Variants in PCDH15 observed in about 807,000 individuals in gnomAD.
PCDH15 encodes the protein protocadherin related 15.
In PCDH15, 129 loss-of-function variants were observed where a neutral mutation model predicts 178.5. That is an observed-to-expected ratio of 0.72 (90% CI 0.63 to 0.84). The LOEUF (loss-of-function observed/expected upper bound fraction) is 0.84, where lower values mean the gene tolerates loss of function less well. PCDH15 is among the 40% of genes least tolerant of loss of function. The pLI is 0.00. For missense variants in PCDH15, 2,230 were observed against 2,099.9 expected, an observed-to-expected ratio of 1.06 and a Z score of -1.21; for synonymous variants, 800 against 732.0, an observed-to-expected ratio of 1.09 and a Z score of -1.50.
At chr10:54,791,449 G>GAGAAGAA (rs1371056867) in intron 1 of PCDH15, among the ~76,000 whole-genome samples, 30 of 151,900 alleles carry the variant, frequency 2.0e-4, no homozygotes, top group Admixed American at 1.7e-3. Context: ...TAGAAACCTT[G>GAGAAGAA]ACCTCTTCTT....
chr10:54,388,515 C>T (rs141356881), intron 3 of PCDH15, among the ~76,000 whole-genome samples: 138 of 152,240 alleles, frequency 9.1e-4, no homozygotes, highest in African/African-American at 2.1e-3. Flanking sequence ...TTAAAGCATA[C>T]GCCACATACT....
chr10:54,380,652 T>TATATATATAC (rs1554941652), intron 3 of PCDH15, among the ~76,000 whole-genome samples: 2 of 88,076 alleles, frequency 2.3e-5, no homozygotes, highest in Non-Finnish European at 2.2e-5. Flanking sequence ...TGTATATATA[T>TATATATATAC]ATATATATAT....
intron 13 of PCDH15, among the ~76,000 whole-genome samples, chr10:54,174,654 G>C (rs2047241529): frequency 1.3e-5 from 2 of 151,458 alleles, no homozygotes; most frequent in South Asian, 2.1e-4. Flanking sequence ...CAATCAAATG[G>C]AAGGTGTTGC....
chr10:54,359,322 T>A (rs1238212156), intron 5 of PCDH15, among the ~76,000 whole-genome samples: 1 of 151,364 alleles, frequency 6.6e-6, no homozygotes, highest in East Asian at 1.9e-4. Flanking sequence ...GAATTAATAA[T>A]GTACCAATGT....
intron 2 of PCDH15, among the ~76,000 whole-genome samples, chr10:55,565,448 T>G (rs751049262): frequency 6.6e-6 from 1 of 151,540 alleles, no homozygotes; most frequent in Non-Finnish European, 1.5e-5. Flanking sequence ...TCAACCACTT[T>G]ACAACTTAAA....
rs540518231 is a variant in PCDH15 at position 54,139,208 on chromosome 10, T to C, written c.1785-6201A>G. Among the ~76,000 whole-genome samples, 150 of 152,196 alleles carry C rather than the reference T, an allele frequency of 9.9e-4. 1 individual carries two copies. Among genetic ancestry groups the C allele is most frequent in the African/African-American group, 3.4e-3 (141 of 41,562 alleles). ...CCTTCTTTGACAAATGAGACTAATG[T>C]AATGTTGTTAGTTGATTCTTGTGAG... On this transcript the variant is annotated intron_variant, in intron 14 of 37. Coordinates refer to ENST00000644397, the MANE Select transcript of PCDH15 (RefSeq NM_001384140.1).
At chr10:54,508,211 A>G (rs896764661) in intron 3 of PCDH15, among the ~76,000 whole-genome samples, 1 of 152,000 alleles carries the variant, frequency 6.6e-6, no homozygotes, top group Non-Finnish European at 1.5e-5. Context: ...TTTTTACTGT[A>G]TTTTACACAT....
At chr10:54,739,666 T>C (rs1276440228) in intron 1 of PCDH15, among the ~76,000 whole-genome samples, 1 of 150,864 alleles carries the variant, frequency 6.6e-6, no homozygotes, top group Non-Finnish European at 1.5e-5. Flanking sequence ...AAAAACAGCA[T>C]GATGCCGTCA....
intron 2 of PCDH15, among the ~76,000 whole-genome samples, chr10:54,537,588 C>T (rs191048356): frequency 6.6e-6 from 1 of 152,254 alleles, no homozygotes; most frequent in East Asian, 1.9e-4. Flanking sequence ...ATCAAGTAGG[C>T]TTCATTCCTA....
At chr10:54,407,382 A>C (rs1240359172) in intron 3 of PCDH15, among the ~76,000 whole-genome samples, 1 of 152,094 alleles carries the variant, frequency 6.6e-6, no homozygotes, top group Non-Finnish European at 1.5e-5. Flanking sequence ...ATATCCATAA[A>C]TATAATAATC....
At chr10:54,629,554 G>A (rs762768050) in intron 2 of PCDH15, among the ~76,000 whole-genome samples, 1 of 151,976 alleles carries the variant, frequency 6.6e-6, no homozygotes, top group Admixed American at 6.6e-5. Context: ...ATCTCTTTAT[G>A]ATAAAAACCT....
chr10:55,244,978 T>C (rs1199941946), intron 1 of PCDH15, among the ~76,000 whole-genome samples: 3 of 152,098 alleles, frequency 2.0e-5, no homozygotes, highest in Non-Finnish European at 4.4e-5. Flanking sequence ...ATTCTTTCTG[T>C]CTTCTATTCT....
chr10:53,933,389 G>C (rs2085265700), intron 25 of PCDH15, among the ~76,000 whole-genome samples: 1 of 140,236 alleles, frequency 7.1e-6, no homozygotes, highest in African/African-American at 2.6e-5. Context: ...TGTTCTCATT[G>C]TTCAATTCCC....
intron 2 of PCDH15, among the ~76,000 whole-genome samples, chr10:55,609,086 T>C (rs948835426): frequency 2.0e-5 from 3 of 151,922 alleles, no homozygotes; most frequent in Non-Finnish European, 4.4e-5. Context: ...CTTTTCTTTT[T>C]TTTTCTGGAC....
chr10:54,079,335 T>A lies in PCDH15; in HGVS notation c.2087A>T (p.Asp696Val), dbSNP rs1168427755. 6.2e-7 allele frequency: 1 copy of A among 1,613,930 alleles called. No homozygotes were observed. Among genetic ancestry groups the A allele is most frequent in the Non-Finnish European group, 8.5e-7 (1 of 1,179,912 alleles). ...CTTCACAGGGAGCATACTCACCCCA[T>A]CTGGCCTGCCATCTGAAGCTGTGAT... ...LIITASDGRP[D>V]GTSTATVNIV... The change falls in exon 17 of 38, where the codon GAT (aspartate) becomes GTT (valine). Residue 696 changes from aspartate (D) to valine (V), a missense_variant. By Grantham distance (152) the Asp-to-Val change is radical. Coordinates refer to ENST00000644397, the MANE Select transcript of PCDH15 (RefSeq NM_001384140.1).
chr10:55,245,711 G>A (rs1841663593), intron 1 of PCDH15, among the ~76,000 whole-genome samples: 1 of 152,148 alleles, frequency 6.6e-6, no homozygotes, highest in Non-Finnish European at 1.5e-5. Context: ...ATATGTATCA[G>A]AAGAGATGGC....
chr10:54,535,977 T>C (rs1481874913), intron 2 of PCDH15, among the ~76,000 whole-genome samples: 1 of 152,184 alleles, frequency 6.6e-6, no homozygotes, highest in Non-Finnish European at 1.5e-5. Context: ...TAGGTTTTCC[T>C]TCCATTGTGG....
intron 1 of PCDH15, among the ~76,000 whole-genome samples, chr10:54,754,760 A>G (rs1425726292): frequency 6.6e-6 from 1 of 152,124 alleles, no homozygotes; most frequent in Admixed American, 6.6e-5. Flanking sequence ...ACGTTTATGG[A>G]CATAACCAAT....
chr10:55,592,667 G>A (rs543257499), intron 2 of PCDH15, among the ~76,000 whole-genome samples: 1 of 152,200 alleles, frequency 6.6e-6, no homozygotes, highest in South Asian at 2.1e-4. Context: ...AAAATATCTA[G>A]AAATTTGAGA....
Sources: gnomAD v4.1 joint callset for allele counts (sites outside exome capture counted in the v4.1 genomes callset) on GRCh38, gnomAD v4.1.1 for gene constraint, MANE v1.5 for transcripts, NCBI Gene and HGNC (gene_info 2026-07-23, HGNC 2026-07-21) for gene names.